Variants in DPPA4 observed in about 807,000 individuals in gnomAD.
DPPA4 encodes developmental pluripotency associated 4, also known as developmental pluripotency-associated protein 4.
In DPPA4, 22 loss-of-function variants were observed where a neutral mutation model predicts 33.7. The ratio of observed to expected loss-of-function variants is 0.65; its 90% CI spans 0.47 to 0.93. The LOEUF (loss-of-function observed/expected upper bound fraction) is 0.93. Among genes scored for constraint, DPPA4 ranks in the 40% least tolerant of loss-of-function variants. The pLI is 0.00. For synonymous variants in DPPA4, 156 were observed against 132.3 expected, an observed-to-expected ratio of 1.18 and a Z score of -1.23; for missense variants, 340 against 358.6, an observed-to-expected ratio of 0.95 and a Z score of 0.42.
intron 1 of DPPA4, chr3:109,336,264 AG>A (rs1338525088): frequency 6.6e-6 from 1 of 152,150 alleles, no homozygotes; most frequent in Non-Finnish European, 1.5e-5. Flanking sequence ...TCTCTATAGC[AG>A]TTCTACATTT....
intron 1 of DPPA4, among the ~76,000 whole-genome samples, chr3:109,336,133 CAG>C (rs1460690673): frequency 9.3e-5 from 14 of 151,262 alleles, no homozygotes; most frequent in Non-Finnish European, 1.5e-4. Context: ...CTCTGGGCGA[CAG>C]AGTCAAACTC....
Position 109,327,316 on chromosome 3 carries a change from C to T in DPPA4, c.*672G>A, listed in dbSNP as rs1244546075. 2.0e-5 allele frequency: 3 copies of T among 152,144 alleles called. No individual in the cohort carries two copies. The highest frequency in any genetic ancestry group is 7.2e-5 in the African/African-American group (3 of 41,422). 9.4% of individuals were successfully genotyped at this position (152,144 alleles called of 1,614,324 possible). On this transcript the variant is annotated 3_prime_UTR_variant, in exon 7 of 7. Coordinates refer to ENST00000335658, the MANE Select transcript of DPPA4 (RefSeq NM_018189.4). ...GTTCAGAGGAAGAGAAAATTGAGCA[C>T]AAGAGCCAACTACCATTTTACTCAA... is the stretch of plus-strand genomic sequence containing the variant.
At chr3:109,331,031 A>G (rs1164322441) in intron 4 of DPPA4, among the ~76,000 whole-genome samples, 1 of 152,062 alleles carries the variant, frequency 6.6e-6, no homozygotes, top group Non-Finnish European at 1.5e-5. Context: ...TAATCCCAGC[A>G]CTTTGGGAGG....
In DPPA4 at chr3:109,337,491, T is replaced by G; in HGVS notation, c.27A>C (p.Thr9=). The G allele has an allele frequency of 6.2e-7, 1 of 1,614,110 alleles. No homozygotes were observed. The highest frequency in any genetic ancestry group is 8.5e-7 in the Non-Finnish European group (1 of 1,180,006). Residue 9 remains threonine, a synonymous_variant, in exon 1 of 7, where the codon ACA becomes ACC. Coordinates refer to ENST00000335658, the MANE Select transcript of DPPA4 (RefSeq NM_018189.4). ...CCTTGCCTTTTGCCTTCTCCATACT[T>G]GTAGAAGAAGCGGAGCCTCGCAACA... The part of the protein sequence containing the change: MLRGSASS[T]SMEKAKGKEW...
intron 4 of DPPA4, among the ~76,000 whole-genome samples, 170 bp downstream of exon 4, chr3:109,331,564 A>AAAAAAAAAAAAAAAG (rs1559708949): frequency 2.8e-5 from 3 of 106,104 alleles, no homozygotes; most frequent in Non-Finnish European, 5.6e-5. Context: ...AAAAAAAAAA[A>AAAAAAAAAAAAAAAG]AAAGAAAGAA....
In DPPA4 at chr3:109,331,833, T is replaced by C; in HGVS notation, c.339+38A>G. The C allele has an allele frequency of 1.9e-6, 3 of 1,613,548 alleles. No individual in the cohort carries two copies. The South Asian group carries it at 3.3e-5, about 18-fold the overall frequency. ...AGTAAGGCAAATAAGGTTCCTACCC[T>C]TCCTCCCAGCAGCACCGTCCCCAGC... On this transcript the variant is annotated intron_variant, in intron 3 of 6. Coordinates refer to ENST00000335658, the MANE Select transcript of DPPA4 (RefSeq NM_018189.4).
rs745833466 is a variant in DPPA4 at position 109,331,694 on chromosome 3, T to C, written c.390+40A>G. The C allele has an allele frequency of 3.8e-6, 6 of 1,599,140 alleles. No individual in the cohort carries two copies. The African/African-American group carries it at 6.7e-5, about 18-fold the overall frequency. ...TCACTTTTGAGGCTACAATAGGTAATTAGGATAAGCATTGAAACGTCCATC... is the reference window on the plus strand; with the variant it reads ...TCACTTTTGAGGCTACAATAGGTAACTAGGATAAGCATTGAAACGTCCATC... On this transcript the variant is annotated intron_variant, in intron 4 of 6. Coordinates refer to ENST00000335658, the MANE Select transcript of DPPA4 (RefSeq NM_018189.4).
At position 109,330,609 on chromosome 3, in the gene DPPA4, G is replaced by A. The variant is rs1385721752; in HGVS notation, c.594C>T (p.Ala198=). 6.2e-7 allele frequency: 1 copy of A among 1,614,130 alleles called. No individual in the cohort carries two copies. Among genetic ancestry groups the A allele is most frequent in the African/African-American group, 1.3e-5 (1 of 75,050 alleles). ...GVNTVVVTTS[A]PEALLASWAR... is the part of the protein sequence containing the mutation. ...CCCAGGAGGCCAGCAAAGCCTCTGG[G>A]GCAGAAGTTGTCACCACAACTGTAT... Residue 198 remains alanine, a synonymous_variant, in exon 5 of 7, where the codon GCC becomes GCT. Transcript: ENST00000335658.
At position 109,337,472 on chromosome 3, in the gene DPPA4, C is replaced by T. The variant is rs773264053; in HGVS notation, c.46G>A (p.Gly16Ser). 1.2e-5 allele frequency: 19 copies of T among 1,614,108 alleles called. No homozygotes were observed. The highest frequency in any genetic ancestry group is 1.6e-5 in the Non-Finnish European group (19 of 1,179,990). Residue 16 changes from glycine to serine, a missense_variant, in exon 1 of 7, where the codon GGC becomes AGC. This residue lies in a region of DPPA4 where 96 missense variants were observed against 91.8 expected (regional missense o/e 1.05). Coordinates refer to ENST00000335658, the MANE Select transcript of DPPA4 (RefSeq NM_018189.4). ...ASSTSMEKAK[G>S]KEWTSTEKSR... is the part of the protein sequence containing the mutation. ...ACTAAAACTGTACTGACCTCCTTGCCTTTTGCCTTCTCCATACTTGTAGAA... is the reference window on the plus strand; with the variant it reads ...ACTAAAACTGTACTGACCTCCTTGCTTTTTGCCTTCTCCATACTTGTAGAA...
Position 109,335,335 on chromosome 3 carries a change from C to A in DPPA4, c.55-1342G>T, listed in dbSNP as rs6801969. 3.3e-5 allele frequency among the ~76,000 whole-genome samples: 5 copies of A among 151,982 alleles called. No individual in the cohort carries two copies. In the South Asian group the frequency reaches 1.0e-3, roughly 32 times the overall value. On this transcript the variant is annotated intron_variant, in intron 1 of 6. Coordinates refer to ENST00000335658, the MANE Select transcript of DPPA4 (RefSeq NM_018189.4). The stretch of plus-strand genomic sequence containing the variant: ...AGGTGAGGTCTCCCTATGTCTCCCC[C>A]CACTGATCTCAATCTTCTAGCCTCA...
chr3:109,339,310 C>T (rs1708268879), upstream of DPPA4, among the ~76,000 whole-genome samples: 1 of 152,186 alleles, frequency 6.6e-6, no homozygotes, highest in Non-Finnish European at 1.5e-5. Flanking sequence ...AACCCAACCT[C>T]CCCTTCACTA....
rs1008055169 is a variant in DPPA4, at chr3:109,326,554, T to A, written c.*1434A>T. 1.3e-5 allele frequency: 2 copies of A among 152,062 alleles called. No homozygotes were observed. The highest frequency in any genetic ancestry group is 6.6e-5 in the Admixed American group (1 of 15,260). 9.4% of individuals were successfully genotyped at this position (152,062 alleles called of 1,614,324 possible). A position where few individuals can be genotyped will look rare whatever the true frequency, so the allele number is the denominator to read the frequency against. On this transcript the variant is annotated 3_prime_UTR_variant, in exon 7 of 7. Coordinates refer to ENST00000335658, the MANE Select transcript of DPPA4 (RefSeq NM_018189.4). ...TTTCCAACTCTTCCACTCCTTCCAG[T>A]GCATTATTTTTAGTATCTTCATTAA...
At chr3:109,335,666 G>C (rs1362424689) in intron 1 of DPPA4, among the ~76,000 whole-genome samples, 2 of 151,760 alleles carry the variant, frequency 1.3e-5, no homozygotes, top group Non-Finnish European at 2.9e-5. Context: ...CTGGCCTCAA[G>C]TGATCCGCCC....
intron 1 of DPPA4, among the ~76,000 whole-genome samples, chr3:109,337,094 T>G (rs1316966058): frequency 1.3e-5 from 2 of 151,874 alleles, no homozygotes; most frequent in Non-Finnish European, 2.9e-5. Flanking sequence ...GAGACGGGGT[T>G]TCTCCATTTT....
In DPPA4 at chr3:109,331,902, C is replaced by A; in HGVS notation, c.308G>T (p.Cys103Phe). ...TTTGGAGCTCAGCTTCAATTGTTGG[C>A]ACCAGGCCCGCAGAATGTCCCGGTG... ...LIHRDILRAW[C>F]QQLKLSSKGQ... is the part of the protein sequence containing the mutation. The change falls in exon 3 of 7, where the codon TGC (cysteine) becomes TTC (phenylalanine). Residue 103 changes from cysteine to phenylalanine, a missense_variant. Cys to Phe is a radical substitution (Grantham distance 205). Around this residue, in one of 3 missense-constraint regions of DPPA4, gnomAD observed 32 missense variants for 60.3 expected, o/e 0.53. Coordinates refer to ENST00000335658, the MANE Select transcript of DPPA4 (RefSeq NM_018189.4). 1 of 1,614,128 alleles carries A rather than the reference C, an allele frequency of 6.2e-7. No individual in the cohort carries two copies. Among genetic ancestry groups the A allele is most frequent in the Non-Finnish European group, 8.5e-7 (1 of 1,180,036 alleles).
chr3:109,334,337 A>T (rs1347822747), intron 1 of DPPA4, among the ~76,000 whole-genome samples: 3 of 152,172 alleles, frequency 2.0e-5, no homozygotes, highest in Admixed American at 6.5e-5. Context: ...GCTTGAGTCC[A>T]GTAACTGGAT....
chr3:109,332,584 T>C (rs1708106724), intron 2 of DPPA4, among the ~76,000 whole-genome samples: 1 of 152,150 alleles, frequency 6.6e-6, no homozygotes, highest in Admixed American at 6.5e-5. Flanking sequence ...GAATTACCGC[T>C]GTCTTAGACT....
Position 109,328,018 on chromosome 3 carries a change from C to T in DPPA4, c.885G>A (p.Lys295=). 6.5e-7 allele frequency: 1 copy of T among 1,530,480 alleles called. No individual in the cohort carries two copies. Among genetic ancestry groups the T allele is most frequent in the Non-Finnish European group, 9.0e-7 (1 of 1,105,246 alleles). The allele number at this position is 1,530,480 out of a possible 1,614,324, so 94.8% of individuals were successfully genotyped here. Residue 295 remains lysine, a synonymous_variant, in exon 7 of 7, where the codon AAG becomes AAA. Transcript: ENST00000335658. The part of the protein sequence containing the change: ...MLCPKCVHRN[K]VLIKSLQWE ...CCCATTGGAGGCTTTTTATTAAGAC[C>T]TTGTTCCTATAAAGCAAATAAAGTA...
rs1037192030 is a variant in DPPA4 at position 109,333,621 on chromosome 3, C to G, written c.178+249G>C. The G allele has an allele frequency of 1.4e-5, 4 of 288,190 alleles. 1 individual carries two copies. Among genetic ancestry groups the G allele is most frequent in the Admixed American group, 5.1e-5 (1 of 19,546 alleles). 17.9% of individuals were successfully genotyped at this position (288,190 alleles called of 1,614,324 possible). On this transcript the variant is annotated intron_variant, in intron 2 of 6. Coordinates refer to ENST00000335658, the MANE Select transcript of DPPA4 (RefSeq NM_018189.4). ...CACTGAAATCCTTAACTCCAAGTAG[C>G]AAGTGAAGGAAAAAATGATCAGCAG...
Sources: gnomAD v4.1 joint callset for allele counts (sites outside exome capture counted in the v4.1 genomes callset) on GRCh38, gnomAD v4.1.1 for gene constraint, gnomAD v4.1.1 regional missense constraint, MANE v1.5 for transcripts, NCBI Gene and HGNC (gene_info 2026-07-23, HGNC 2026-07-21) for gene names.